DLGAP1: variants seen among roughly 807,000 people sequenced by gnomAD.
DLGAP1 encodes DLG associated protein 1, also known as disks large-associated protein 1.
DLGAP1 carries 11 observed loss-of-function variants against 90.8 expected under a neutral mutation model. That is an observed-to-expected ratio of 0.12 (90% confidence interval 0.08 to 0.20). The LOEUF is 0.20. Ranked by LOEUF, DLGAP1 falls within the 10% of genes least tolerant of loss-of-function variation. The pLI, the probability that DLGAP1 is intolerant of heterozygous loss-of-function variation, is 1.00. For synonymous variants in DLGAP1, 558 were observed against 540.7 expected, an observed-to-expected ratio of 1.03 and a Z score of -0.44; for missense variants, 1,050 against 1,333.8, an observed-to-expected ratio of 0.79 and a Z score of 3.31.
intron 1 of DLGAP1, among the ~76,000 whole-genome samples, chr18:4,165,108 T>C (rs1225831978): frequency 1.3e-5 from 2 of 152,156 alleles, no homozygotes; most frequent in African/African-American, 4.8e-5. Flanking sequence ...CTTCCCAAAT[T>C]TGGTGAAATA....
At chr18:3,997,628 G>A (rs1202782917) in intron 3 of DLGAP1, among the ~76,000 whole-genome samples, 1 of 151,690 alleles carries the variant, frequency 6.6e-6, no homozygotes, top group East Asian at 1.9e-4. Flanking sequence ...ATTAAGAACA[G>A]CACCATACAA....
At chr18:4,312,852 AGCC>A (rs2080434869) in intron 1 of DLGAP1, among the ~76,000 whole-genome samples, 1 of 152,216 alleles carries the variant, frequency 6.6e-6, no homozygotes, top group South Asian at 2.1e-4. Context: ...ATATAATCAT[AGCC>A]TTAGAAAATT....
intron 7 of DLGAP1, among the ~76,000 whole-genome samples, chr18:3,596,067 C>T (rs2056557272): frequency 6.6e-6 from 1 of 152,170 alleles, no homozygotes; most frequent in Non-Finnish European, 1.5e-5. Context: ...GGTCTAGCAA[C>T]ACCTCTGGTT....
At chr18:3,683,953 G>A (rs1376858988) in intron 7 of DLGAP1, among the ~76,000 whole-genome samples, 4 of 151,942 alleles carry the variant, frequency 2.6e-5, no homozygotes, top group African/African-American at 9.7e-5. Context: ...CTCCCTCACT[G>A]GGGGGACACG....
chr18:3,508,542 G>T, intron 11 of DLGAP1, 28 bp downstream of exon 11: 1 of 1,548,010 alleles, frequency 6.5e-7, no homozygotes, highest in Non-Finnish European at 8.9e-7. Context: ...CACTAGCAGG[G>T]AAATTGTAGA....
chr18:3,580,862 G>T (rs992471738), intron 8 of DLGAP1: 96 of 1,171,216 alleles, frequency 8.2e-5, no homozygotes, highest in Non-Finnish European at 4.8e-5. Flanking sequence ...GGGTGAGTGT[G>T]GCCGGTTGTA....
At chr18:3,737,454 C>A (rs865931748) in intron 6 of DLGAP1, among the ~76,000 whole-genome samples, 8,201 of 135,892 alleles carry the variant, frequency 0.06, 790 homozygotes, top group African/African-American at 0.21. Context: ...CCCTGGGATG[C>A]AAGGCTGGTT....
intron 4 of DLGAP1, among the ~76,000 whole-genome samples, chr18:3,857,132 C>T (rs920898860): frequency 2.2e-4 from 33 of 151,848 alleles, no homozygotes; most frequent in Admixed American, 1.8e-3. Flanking sequence ...CAAAAAGAGC[C>T]GAAAACCTCT....
At chr18:4,225,628 A>G (rs997463219) in intron 1 of DLGAP1, among the ~76,000 whole-genome samples, 1 of 151,130 alleles carries the variant, frequency 6.6e-6, no homozygotes, top group Non-Finnish European at 1.5e-5. Context: ...AAAGAAATCA[A>G]GCAGAAAAAA....
At chr18:4,256,824 C>T (rs1293670406) in intron 1 of DLGAP1, among the ~76,000 whole-genome samples, 1 of 152,046 alleles carries the variant, frequency 6.6e-6, no homozygotes, top group African/African-American at 2.4e-5. Context: ...CTTTTTAATG[C>T]CAGGCTTCCT....
intron 1 of DLGAP1, among the ~76,000 whole-genome samples, chr18:4,234,848 A>G (rs2078373761): frequency 2.6e-5 from 4 of 152,282 alleles, no homozygotes; most frequent in African/African-American, 9.6e-5. Context: ...ATTCACGAAA[A>G]CAAATCTAAA....
At chr18:3,549,937 G>A (rs899510901) in intron 9 of DLGAP1, among the ~76,000 whole-genome samples, 1 of 151,572 alleles carries the variant, frequency 6.6e-6, no homozygotes, top group Non-Finnish European at 1.5e-5. Flanking sequence ...TTTTTAAGAT[G>A]GAGTCTCGCT....
At chr18:3,595,539 G>A (rs1259976383) in intron 7 of DLGAP1, among the ~76,000 whole-genome samples, 1 of 152,158 alleles carries the variant, frequency 6.6e-6, no homozygotes. Context: ...TGGCTAGTAT[G>A]TGCCTGGACC....
intron 1 of DLGAP1, among the ~76,000 whole-genome samples, chr18:4,232,041 G>A (rs186102330): frequency 6.6e-6 from 1 of 152,194 alleles, no homozygotes; most frequent in Non-Finnish European, 1.5e-5. Flanking sequence ...ATTATTTGGA[G>A]TTTACTAAGA....
At chr18:3,765,137 T>TG in intron 5 of DLGAP1, among the ~76,000 whole-genome samples, 1 of 140,618 alleles carries the variant, frequency 7.1e-6, no homozygotes. Flanking sequence ...TTTCTTTTTT[T>TG]TTTTTTTTGA....
At chr18:4,193,437 G>A (rs2077437420) in intron 1 of DLGAP1, among the ~76,000 whole-genome samples, 1 of 152,126 alleles carries the variant, frequency 6.6e-6, no homozygotes, top group South Asian at 2.1e-4. Flanking sequence ...CTGTATGAAA[G>A]TTGAGCCAAC....
chr18:4,307,239 T>C (rs1050358506), intron 1 of DLGAP1, among the ~76,000 whole-genome samples: 1 of 152,118 alleles, frequency 6.6e-6, no homozygotes, highest in East Asian at 1.9e-4. Context: ...AGTCTTAGCA[T>C]TGAATAGTGA....
At chr18:4,403,037 C>A (rs747204986) in intron 1 of DLGAP1, among the ~76,000 whole-genome samples, 25 of 152,176 alleles carry the variant, frequency 1.6e-4, no homozygotes, top group Non-Finnish European at 1.8e-4. Context: ...GATATTCTTA[C>A]CATTTCTTTT....
At chr18:4,224,718 C>T (rs183161616) in intron 1 of DLGAP1, among the ~76,000 whole-genome samples, 1 of 151,566 alleles carries the variant, frequency 6.6e-6, no homozygotes, top group East Asian at 1.9e-4. Flanking sequence ...GTATCTGTCT[C>T]CAGGTCTTGG....
Sources: gnomAD v4.1 joint callset for allele counts (sites outside exome capture counted in the v4.1 genomes callset) on GRCh38, gnomAD v4.1.1 for gene constraint, MANE v1.5 for transcripts, NCBI Gene and HGNC (gene_info 2026-07-23, HGNC 2026-07-21) for gene names.